IARS1: variants seen among roughly 807,000 people sequenced by gnomAD.
IARS1 encodes the protein isoleucyl-tRNA synthetase 1.
In IARS1, 124 loss-of-function variants were observed where a neutral mutation model predicts 168.2. The observed-to-expected ratio is 0.74, with a 90% CI of 0.64 to 0.86. The LOEUF (loss-of-function observed/expected upper bound fraction) is 0.86, where lower values mean the gene tolerates loss of function less well. IARS1 is among the 40% of genes least tolerant of loss of function. The pLI, the probability that IARS1 is intolerant of heterozygous loss-of-function variation, is 0.00. For synonymous variants in IARS1, 532 were observed against 529.4 expected (o/e 1.00, Z -0.07); for missense variants, 1,452 against 1,515.8 (o/e 0.96, Z 0.70).
intron 19 of IARS1, among the ~76,000 whole-genome samples, chr9:92,258,253 T>A (rs753462574): frequency 6.6e-6 from 1 of 152,154 alleles, no homozygotes; most frequent in Non-Finnish European, 1.5e-5. Context: ...ATTGGTTCCA[T>A]AAGGGGAGGG....
intron 33 of IARS1, among the ~76,000 whole-genome samples, chr9:92,217,330 C>T (rs1447544990): frequency 1.4e-5 from 2 of 143,802 alleles, no homozygotes; most frequent in East Asian, 3.9e-4. Flanking sequence ...AGGAAAGATC[C>T]AAAATTGACA....
intron 16 of IARS1, 120 bp from the exon 17 acceptor site, chr9:92,263,175 A>G: frequency 2.9e-6 from 2 of 679,710 alleles, no homozygotes; most frequent in Non-Finnish European, 5.1e-6. Flanking sequence ...AGAATCACTT[A>G]AAGCAATGAT....
At chr9:92,281,432 C>A (rs1023236245) in intron 6 of IARS1, among the ~76,000 whole-genome samples, 10 of 151,964 alleles carry the variant, frequency 6.6e-5, no homozygotes, top group Non-Finnish European at 1.3e-4. Flanking sequence ...CCATGCCTGG[C>A]CTCTGGTAAC....
At chr9:92,272,722 G>A (rs1300672097) in intron 10 of IARS1, among the ~76,000 whole-genome samples, 1 of 152,086 alleles carries the variant, frequency 6.6e-6, no homozygotes, top group African/African-American at 2.4e-5. Context: ...ATGGTGGCAG[G>A]TGCCTATAAT....
chr9:92,280,626 A>T, intron 7 of IARS1, 120 bp downstream of exon 7: 2 of 554,796 alleles, frequency 3.6e-6, no homozygotes, highest in Non-Finnish European at 3.0e-6. Context: ...TTTCTAATTA[A>T]GTCAGATTGT....
intron 33 of IARS1, among the ~76,000 whole-genome samples, chr9:92,213,655 T>G (rs1838135777): frequency 6.6e-6 from 1 of 152,188 alleles, no homozygotes; most frequent in African/African-American, 2.4e-5. Context: ...CCTCCAGAGC[T>G]GTGAGATGAC....
chr9:92,288,296 A>C lies in IARS1; in HGVS notation c.120-14T>G. On this transcript the variant is annotated splice_polypyrimidine_tract_variant and intron_variant, in intron 2 of 33. Coordinates refer to ENST00000443024, the MANE Select transcript of IARS1 (RefSeq NM_002161.6). ...TAGAAGGTAAATCTAACAGGTAATA[A>C]AAATATATCAAGCCATTTAAAAACA... is the stretch of plus-strand genomic sequence containing the variant. 1 of 1,613,528 alleles carries C rather than the reference A, an allele frequency of 6.2e-7. No individual in the cohort carries two copies. Among genetic ancestry groups the C allele is most frequent in the South Asian group, 1.1e-5 (1 of 91,006 alleles).
chr9:92,247,211 G>GAGAGAAA (rs1022202428), intron 26 of IARS1, among the ~76,000 whole-genome samples, 166 bp downstream of exon 26: 8 of 149,226 alleles, frequency 5.4e-5, no homozygotes. Context: ...GAAGAGAGAA[G>GAGAGAAA]AGAGAAAAGA....
intron 33 of IARS1, among the ~76,000 whole-genome samples, chr9:92,217,993 A>C (rs1839023723): frequency 6.6e-6 from 1 of 152,108 alleles, no homozygotes; most frequent in Admixed American, 6.5e-5. Context: ...TTAGACCAAT[A>C]TCCTTGATGA....
At chr9:92,216,274 G>A (rs1194334710) in intron 33 of IARS1, among the ~76,000 whole-genome samples, 313 of 149,240 alleles carry the variant, frequency 2.1e-3, no homozygotes, top group African/African-American at 5.7e-3. Context: ...TGAAGGAAGC[G>A]CTAAACATGG....
chr9:92,248,479 C>A (rs766072868), intron 25 of IARS1, among the ~76,000 whole-genome samples: 12 of 151,410 alleles, frequency 7.9e-5, no homozygotes, highest in Non-Finnish European at 1.8e-4. Flanking sequence ...TAGAGACCAG[C>A]CCGGGCAACA....
At position 92,256,797 on chromosome 9, in the gene IARS1, C is replaced by T. The variant is rs1830791852; in HGVS notation, c.2020G>A (p.Glu674Lys). ...TCATTGTAGAGAAATTCTATTTCTT[C>T]CTCCTAGGAAGGAACAATTAATGAA... ...IQNVLRLQKE[E>K]EIEFLYNENT... The change falls in exon 20 of 34, where the codon GAA becomes AAA. Residue 674 changes from glutamate (E) to lysine (K), a missense_variant. By Grantham distance (56) the Glu-to-Lys change is moderately conservative. Coordinates refer to ENST00000443024, the MANE Select transcript of IARS1 (RefSeq NM_002161.6). 1.2e-6 allele frequency: 2 copies of T among 1,611,690 alleles called. No individual in the cohort carries two copies. Among genetic ancestry groups the T allele is most frequent in the East Asian group, 4.5e-5 (2 of 44,812 alleles).
chr9:92,217,416 C>T (rs1838898355), intron 33 of IARS1, among the ~76,000 whole-genome samples: 2 of 136,830 alleles, frequency 1.5e-5, no homozygotes, highest in Admixed American at 1.4e-4. Context: ...CAAGAAATAA[C>T]TAAAATCAGA....
chr9:92,253,972 T>C (rs1830378468), intron 20 of IARS1: 3 of 435,704 alleles, frequency 6.9e-6, no homozygotes, highest in East Asian at 7.0e-5. Context: ...AACATTTTGC[T>C]TGTCACAACT....
intron 18 of IARS1, among the ~76,000 whole-genome samples, chr9:92,259,236 A>G (rs142489373): frequency 1.8e-4 from 28 of 152,344 alleles, no homozygotes; most frequent in South Asian, 6.2e-4. Context: ...GGCACTGTAT[A>G]GCACAGAAAT....
Position 92,210,885 on chromosome 9 carries a change from A to G in IARS1, c.3711T>C (p.Ile1237=), listed in dbSNP as rs370376420. 143 of 1,596,508 alleles carry G rather than the reference A, an allele frequency of 9.0e-5. No homozygotes were observed. The highest frequency in any genetic ancestry group is 1.2e-4 in the Non-Finnish European group (142 of 1,163,964). The part of the protein sequence containing the change: ...LFLNETQTQE[I]TEDIPVKTLN... ...AAGTCTTCACGGGGATGTCTTCTGT[A>G]ATTTCTAGAATGGAAAGAAAAAGTT... The change falls in exon 34 of 34, where the codon ATT becomes ATC. Residue 1237 remains isoleucine (I), a synonymous_variant. Transcript: ENST00000443024.
Position 92,260,203 on chromosome 9 carries a change from T to G in IARS1, c.1819A>C (p.Asn607His), listed in dbSNP as rs1831323027. ...ATGATGGAAACTGGATCTGGATAAT[T>G]CTTTTTCCGTTTGCTCATTTTTTGG... ...DGQKMSKRKK[N>H]YPDPVSIIQK... The change falls in exon 18 of 34, where the codon AAT (asparagine) becomes CAT (histidine). Residue 607 changes from asparagine to histidine, a missense_variant. By Grantham distance (68) the Asn-to-His change is moderately conservative. Coordinates refer to ENST00000443024, the MANE Select transcript of IARS1 (RefSeq NM_002161.6). 5 of 1,613,982 alleles carry G rather than the reference T, an allele frequency of 3.1e-6. No individual in the cohort carries two copies. Among genetic ancestry groups the G allele is most frequent in the Non-Finnish European group, 4.2e-6 (5 of 1,179,956 alleles).
rs1332919435 is a variant in IARS1 at position 92,240,574 on chromosome 9, A to G, written c.3283+282T>C. The G allele has an allele frequency of 2.9e-5, 18 of 619,638 alleles. No individual in the cohort carries two copies. In the South Asian group the frequency reaches 3.4e-4, roughly 12 times the overall value. 38.4% of individuals were successfully genotyped at this position (619,638 alleles called of 1,614,324 possible). A position where few individuals can be genotyped will look rare whatever the true frequency, so the allele number is the denominator to read the frequency against. On this transcript the variant is annotated intron_variant, in intron 30 of 33. Coordinates refer to ENST00000443024, the MANE Select transcript of IARS1 (RefSeq NM_002161.6). ...CATGCCTGGCCCTTTTTTTTTTTTT[A>G]ATTGAGGCAGGATCTTATTATGTTG...
chr9:92,244,183 G>C (rs1433744440), intron 27 of IARS1, among the ~76,000 whole-genome samples: 1 of 152,164 alleles, frequency 6.6e-6, no homozygotes, highest in Non-Finnish European at 1.5e-5. Context: ...AACATCTGCT[G>C]TAATGAGGAA....
Sources: allele counts gnomAD v4.1 joint callset (sites outside exome capture counted in the v4.1 genomes callset), GRCh38; gene constraint gnomAD v4.1.1; transcripts MANE v1.5; gene names NCBI Gene and HGNC (gene_info 2026-07-23, HGNC 2026-07-21).